Variants in LMO7 observed in about 807,000 individuals in gnomAD.
LMO7 encodes LIM domain 7.
A neutral mutation model predicts 206.5 loss-of-function variants in LMO7; 120 were observed. The ratio of observed to expected loss-of-function variants is 0.58; its 90% CI spans 0.50 to 0.68. The LOEUF is 0.68. LMO7 is among the 30% of genes least tolerant of loss of function. The pLI, the probability that LMO7 is intolerant of heterozygous loss-of-function variation, is 0.00. For synonymous variants in LMO7, 706 were observed against 681.5 expected (o/e 1.04, Z -0.56); for missense variants, 1,959 against 1,957.9 (o/e 1.00, Z -0.01).
chr13:75,732,434 G>A (rs1301396448), intron 3 of LMO7, among the ~76,000 whole-genome samples: 3 of 152,214 alleles, frequency 2.0e-5, no homozygotes, highest in South Asian at 4.2e-4. Flanking sequence ...TGAGGCTTCT[G>A]CGTTCGTCAC....
chr13:75,672,983 G>A (rs915694690), intron 1 of LMO7, among the ~76,000 whole-genome samples: 1 of 151,970 alleles, frequency 6.6e-6, no homozygotes, highest in Non-Finnish European at 1.5e-5. Flanking sequence ...TTATCTAGTT[G>A]AGTTTATTTT....
At chr13:75,672,524 T>C (rs1431600232) in intron 1 of LMO7, among the ~76,000 whole-genome samples, 5 of 152,206 alleles carry the variant, frequency 3.3e-5, no homozygotes, top group Non-Finnish European at 7.3e-5. Flanking sequence ...TTAGAATTCA[T>C]TTAACTTGTC....
chr13:75,635,025 AAACAAAACAAAACAAAAAC>A (rs1288097579), upstream of LMO7, among the ~76,000 whole-genome samples: 17 of 150,426 alleles, frequency 1.1e-4, no homozygotes. Context: ...AAACAAAACA[AAACAAAACAAAACAAAAAC>A]AAACAGAAAG....
intron 20 of LMO7, chr13:75,838,453 T>TTA: frequency 9.7e-6 from 2 of 205,590 alleles, no homozygotes; most frequent in East Asian, 1.6e-4. Context: ...TTTAACTTTG[T>TTA]AAAAAAAAAA....
chr13:75,682,786 T>A (rs2040648327), intron 1 of LMO7, among the ~76,000 whole-genome samples: 1 of 152,216 alleles, frequency 6.6e-6, no homozygotes, highest in Non-Finnish European at 1.5e-5. Context: ...GTCATATGAT[T>A]TTGCAAATCC....
intron 15 of LMO7, among the ~76,000 whole-genome samples, chr13:75,825,083 T>G (rs1181644407): frequency 6.6e-6 from 1 of 152,128 alleles, no homozygotes; most frequent in African/African-American, 2.4e-5. Flanking sequence ...ATATTTCTTT[T>G]GTTTTTTTTT....
chr13:75,737,842 C>CAAAA lies in LMO7; in HGVS notation c.210+10763_210+10766dup, dbSNP rs768622923. Among the ~76,000 whole-genome samples, 308 of 37,694 alleles carry CAAAA rather than the reference C, an allele frequency of 8.2e-3. 17 individuals carry two copies. Among genetic ancestry groups the CAAAA allele is most frequent in the African/African-American group, 0.027 (218 of 8,218 alleles). 24.7% of individuals were successfully genotyped at this position (37,694 alleles called of 152,430 possible). A position where few individuals can be genotyped will look rare whatever the true frequency, so the allele number is the denominator to read the frequency against. On this transcript the variant is annotated intron_variant, in intron 3 of 30. Coordinates refer to ENST00000377534, the MANE Select transcript of LMO7 (RefSeq NM_001306080.2). ...TAAATATAGATTCACAGGAAGCTGC[C>CAAAA]AAAAAAAAAAAAAAAAAAAAAACAC...
At chr13:75,740,904 G>A (rs767851953) in intron 3 of LMO7, among the ~76,000 whole-genome samples, 1 of 152,162 alleles carries the variant, frequency 6.6e-6, no homozygotes, top group Admixed American at 6.5e-5. Flanking sequence ...GATAAATATT[G>A]AAGTCTGTAT....
chr13:75,684,392 C>T (rs1296585010), intron 1 of LMO7, among the ~76,000 whole-genome samples: 1 of 147,942 alleles, frequency 6.8e-6, no homozygotes, highest in Non-Finnish European at 1.5e-5. Flanking sequence ...CAGGCATGTG[C>T]CACCATGTCT....
chr13:75,844,723 C>G (rs2059850098), intron 25 of LMO7, among the ~76,000 whole-genome samples: 1 of 152,012 alleles, frequency 6.6e-6, no homozygotes, highest in Non-Finnish European at 1.5e-5. Context: ...CTATTATTTT[C>G]AAAGTTCAGT....
rs151169317 is a variant in LMO7 at position 75,850,868 on chromosome 13, T to C, written c.4364+1576T>C. Among the ~76,000 whole-genome samples the C allele has an allele frequency of 3.6e-3, 550 of 152,274 alleles. 3 individuals carry two copies. Among genetic ancestry groups the C allele is most frequent in the African/African-American group, 0.013 (533 of 41,546 alleles). ...AAAGTCTCAGCTCGTGAGCTGTGTC[T>C]ATCTTGGCAGTAGGCTGTAATTTGC... On this transcript the variant is annotated intron_variant, in intron 27 of 30. Coordinates refer to ENST00000377534, the MANE Select transcript of LMO7 (RefSeq NM_001306080.2).
intron 1 of LMO7, among the ~76,000 whole-genome samples, chr13:75,682,253 A>T (rs1810689966): frequency 6.6e-6 from 1 of 152,196 alleles, no homozygotes; most frequent in African/African-American, 2.4e-5. Context: ...CTTAATTGTT[A>T]AGTTGGAGCA....
intron 1 of LMO7, among the ~76,000 whole-genome samples, chr13:75,674,418 T>C (rs1489933036): frequency 2.6e-5 from 4 of 152,196 alleles, no homozygotes; most frequent in African/African-American, 9.6e-5. Context: ...CAAATGAAAA[T>C]ACCATGTTAA....
At chr13:75,809,667 G>T (rs902695901) in intron 11 of LMO7, among the ~76,000 whole-genome samples, 3 of 151,982 alleles carry the variant, frequency 2.0e-5, no homozygotes, top group African/African-American at 4.8e-5. Context: ...CGTTAGTAGG[G>T]ATGCATTAAA....
At chr13:75,664,925 A>G (rs183241690) in intron 1 of LMO7, among the ~76,000 whole-genome samples, 2 of 152,336 alleles carry the variant, frequency 1.3e-5, no homozygotes, top group Admixed American at 1.3e-4. Context: ...TGAAATTAGT[A>G]TGACATAATG....
chr13:75,841,664 A>T lies in LMO7; in HGVS notation c.3712A>T (p.Thr1238Ser). Residue 1238 changes from threonine (T) to serine (S), a missense_variant, in exon 24 of 31, where the codon ACC becomes TCC. Coordinates refer to ENST00000377534, the MANE Select transcript of LMO7 (RefSeq NM_001306080.2). ...MVLSSNSMSL[T>S]TREPSLATWE... ...CCTAAGCTCAAACAGCATGTCTCTGACCACACGGGAGCCCTCTCTTGCCAC... is the reference window on the plus strand; with the variant it reads ...CCTAAGCTCAAACAGCATGTCTCTGTCCACACGGGAGCCCTCTCTTGCCAC... 2.5e-6 allele frequency: 4 copies of T among 1,614,020 alleles called. No homozygotes were observed. Among genetic ancestry groups the T allele is most frequent in the Non-Finnish European group, 3.4e-6 (4 of 1,179,964 alleles).
At chr13:75,763,607 G>T (rs1040278736) in intron 4 of LMO7, among the ~76,000 whole-genome samples, 1 of 152,102 alleles carries the variant, frequency 6.6e-6, no homozygotes, top group African/African-American at 2.4e-5. Context: ...CAAATGATTT[G>T]ATTATTTAAA....
intron 1 of LMO7, among the ~76,000 whole-genome samples, chr13:75,701,189 G>A (rs552227091): frequency 4.9e-4 from 59 of 121,032 alleles, no homozygotes; most frequent in Middle Eastern, 3.7e-3. Flanking sequence ...GCTTCTGGAA[G>A]GTTGACAGAT....
intron 1 of LMO7, among the ~76,000 whole-genome samples, chr13:75,639,881 G>A (rs935835992): frequency 1.6e-4 from 24 of 152,206 alleles, no homozygotes; most frequent in Admixed American, 2.0e-4. Flanking sequence ...CTCTGGATTG[G>A]ATTTTTTCAG....
Sources: gnomAD v4.1 joint callset for allele counts (sites outside exome capture counted in the v4.1 genomes callset) on GRCh38, gnomAD v4.1.1 for gene constraint, MANE v1.5 for transcripts, NCBI Gene and HGNC (gene_info 2026-07-23, HGNC 2026-07-21) for gene names.